Variants in SNX10 observed in about 807,000 individuals in gnomAD.
SNX10 encodes the protein sorting nexin 10.
SNX10 carries 25 observed loss-of-function variants against 28.5 expected under a neutral mutation model. The ratio of observed to expected loss-of-function variants is 0.88; its 90% CI spans 0.64 to 1.22. The LOEUF is 1.22. Ranked by LOEUF, SNX10 falls within the 50% of genes most tolerant of loss-of-function variation. SNX10 has a pLI of 0.00. For missense variants in SNX10, 223 were observed against 242.6 expected, an observed-to-expected ratio of 0.92 and a Z score of 0.54; for synonymous variants, 62 against 81.4, an observed-to-expected ratio of 0.76 and a Z score of 1.28.
intron 1 of SNX10, among the ~76,000 whole-genome samples, chr7:26,339,007 T>C (rs1788065597): frequency 6.6e-6 from 1 of 152,224 alleles, no homozygotes; most frequent in African/African-American, 2.4e-5. Flanking sequence ...AGAGACTACA[T>C]GGCCCCTAAA....
At chr7:26,354,014 G>A (rs903551479) in intron 2 of SNX10, 7 of 152,086 alleles carry the variant, frequency 4.6e-5, no homozygotes, top group Admixed American at 3.9e-4. Flanking sequence ...ATTAGCTTTC[G>A]TCTTTTGTGA....
intron 6 of SNX10, 87 bp from the exon 7 acceptor site, chr7:26,372,404 A>T: frequency 1.2e-6 from 1 of 843,076 alleles, no homozygotes; most frequent in Non-Finnish European, 2.0e-6. Context: ...GGAGATAATT[A>T]AAGTTCTCCT....
At chr7:26,350,079 G>A (rs1297210972) in intron 2 of SNX10, among the ~76,000 whole-genome samples, 1 of 152,172 alleles carries the variant, frequency 6.6e-6, no homozygotes, top group South Asian at 2.1e-4. Context: ...GTGTGCATGC[G>A]TGCATATCTC....
chr7:26,356,979 C>A, intron 2 of SNX10: 1 of 832,368 alleles, frequency 1.2e-6, no homozygotes, highest in Non-Finnish European at 1.6e-6. Flanking sequence ...ATTTTCCTTT[C>A]CTGAAGGCAG....
chr7:26,315,724 A>T (rs1224672622), intron 1 of SNX10, among the ~76,000 whole-genome samples: 3 of 152,142 alleles, frequency 2.0e-5, no homozygotes, highest in African/African-American at 2.4e-5. Flanking sequence ...AAGATAGCGA[A>T]TATAATACAA....
intron 3 of SNX10, among the ~76,000 whole-genome samples, chr7:26,363,360 A>C (rs1789159586): frequency 6.6e-6 from 1 of 152,250 alleles, no homozygotes; most frequent in Non-Finnish European, 1.5e-5. Flanking sequence ...GAGCTAATGC[A>C]CATAATTACT....
chr7:26,312,118 G>A (rs968996752), intron 1 of SNX10, among the ~76,000 whole-genome samples: 1 of 152,130 alleles, frequency 6.6e-6, no homozygotes, highest in Non-Finnish European at 1.5e-5. Flanking sequence ...ATGGCCCATA[G>A]CACATTATGG....
chr7:26,366,477 T>G (rs1399159546), intron 5 of SNX10, among the ~76,000 whole-genome samples: 2 of 152,174 alleles, frequency 1.3e-5, no homozygotes, highest in African/African-American at 4.8e-5. Flanking sequence ...CGAAAACATT[T>G]CATTGTATTT....
At chr7:26,372,221 T>G (rs1361858869) in intron 6 of SNX10, 188 bp downstream of exon 6, 3 of 596,340 alleles carry the variant, frequency 5.0e-6, no homozygotes, top group African/African-American at 1.9e-5. Context: ...CACACACACC[T>G]CCACACTGAA....
intron 1 of SNX10, among the ~76,000 whole-genome samples, chr7:26,310,353 A>G (rs1403862802): frequency 1.3e-5 from 2 of 152,342 alleles, no homozygotes; most frequent in Non-Finnish European, 2.9e-5. Context: ...GCTAAGTGCT[A>G]AAGTTGTAAA....
rs1418264433 is a variant in SNX10, at chr7:26,333,515, G to A, written c.-23-12905G>A. 2.6e-5 allele frequency among the ~76,000 whole-genome samples: 4 copies of A among 151,672 alleles called. No individual in the cohort carries two copies. The East Asian group carries it at 7.7e-4, about 29-fold the overall frequency. The stretch of plus-strand genomic sequence containing the variant: ...ATTTTTTTGTATTTTTAGTAGAGAT[G>A]GGGTTTCACCATGTTAGCTAGGATG... On this transcript the variant is annotated intron_variant, in intron 1 of 6. Coordinates refer to ENST00000338523, the MANE Select transcript of SNX10 (RefSeq NM_013322.3).
chr7:26,342,413 A>G (rs1055524452), intron 1 of SNX10, among the ~76,000 whole-genome samples: 3 of 152,206 alleles, frequency 2.0e-5, no homozygotes, highest in South Asian at 2.1e-4. Context: ...TTGCGCTGTC[A>G]TTGAATTTCC....
At chr7:26,346,317 CG>C (rs913334284) in intron 1 of SNX10, 102 bp from the exon 2 acceptor site, 62 of 725,574 alleles carry the variant, frequency 8.5e-5, no homozygotes, top group Non-Finnish European at 9.5e-5. Flanking sequence ...GACTGTGGGG[CG>C]GGGGGGGCTC....
intron 1 of SNX10, among the ~76,000 whole-genome samples, chr7:26,298,714 G>A (rs967631627): frequency 2.0e-5 from 3 of 152,166 alleles, no homozygotes; most frequent in Non-Finnish European, 4.4e-5. Context: ...CCATAGACTG[G>A]GTGGCTTAAA....
chr7:26,327,983 C>T (rs1304678399), intron 1 of SNX10, among the ~76,000 whole-genome samples: 1 of 151,954 alleles, frequency 6.6e-6, no homozygotes, highest in Non-Finnish European at 1.5e-5. Context: ...CCACCCACCT[C>T]AGCCTCCCAA....
intron 2 of SNX10, among the ~76,000 whole-genome samples, chr7:26,355,593 A>G (rs981764287): frequency 1.3e-5 from 2 of 152,234 alleles, no homozygotes; most frequent in Admixed American, 6.5e-5. Flanking sequence ...TGCTAGTACC[A>G]TGCTTGGTGC....
intron 1 of SNX10, among the ~76,000 whole-genome samples, chr7:26,306,811 G>C (rs1371777931): frequency 6.6e-6 from 1 of 152,212 alleles, no homozygotes; most frequent in Non-Finnish European, 1.5e-5. Context: ...ACTGCAGCTG[G>C]CACAGTCGGA....
intron 1 of SNX10, 100 bp downstream of exon 1, chr7:26,292,186 A>C (rs549152587): frequency 7.9e-5 from 12 of 152,340 alleles, no homozygotes; most frequent in African/African-American, 2.6e-4. Context: ...CGCTGTTCCC[A>C]GGTGCCCGCA....
At chr7:26,310,683 A>ATTT (rs5883024) in intron 1 of SNX10, among the ~76,000 whole-genome samples, 1 of 140,298 alleles carries the variant, frequency 7.1e-6, no homozygotes. Flanking sequence ...GCGAGGAACA[A>ATTT]TTTTTTTTTT....
Sources: allele counts gnomAD v4.1 joint callset (sites outside exome capture counted in the v4.1 genomes callset), GRCh38; gene constraint gnomAD v4.1.1; transcripts MANE v1.5; gene names NCBI Gene and HGNC (gene_info 2026-07-23, HGNC 2026-07-21).